KCNG2: variants seen among roughly 807,000 people sequenced by gnomAD.
KCNG2 encodes potassium voltage-gated channel modifier subfamily G member 2.
In KCNG2, 7 loss-of-function variants were observed where a neutral mutation model predicts 12.3. That is an observed-to-expected ratio of 0.57 (90% CI 0.32 to 1.07). The LOEUF is 1.07. Ranked by LOEUF, KCNG2 falls within the 50% of genes least tolerant of loss-of-function variation. KCNG2 has a pLI of 0.04. For missense variants in KCNG2, 703 were observed against 726.0 expected (o/e 0.97, Z 0.36); for synonymous variants, 414 against 351.4 (o/e 1.18, Z -1.99).
At chr18:79,842,007 C>G (rs1276201981) in intron 1 of KCNG2, among the ~76,000 whole-genome samples, 1 of 152,214 alleles carries the variant, frequency 6.6e-6, no homozygotes, top group Admixed American at 6.5e-5. Context: ...CTCCCCCTCC[C>G]CAGAGTGAAC....
chr18:79,802,287 A>G (rs2122985498), intron 1 of KCNG2, among the ~76,000 whole-genome samples: 1 of 152,296 alleles, frequency 6.6e-6, no homozygotes, highest in South Asian at 2.1e-4. Flanking sequence ...GACCAGGTGG[A>G]CGCGGCTCAT....
At chr18:79,857,269 C>T (rs1288144551) in intron 2 of KCNG2, among the ~76,000 whole-genome samples, 1 of 150,080 alleles carries the variant, frequency 6.7e-6, no homozygotes, top group African/African-American at 2.5e-5. Context: ...TCTCATGCAG[C>T]GAACTTGGCG....
At chr18:79,852,016 CT>C (rs1286565258) in intron 1 of KCNG2, among the ~76,000 whole-genome samples, 1 of 152,202 alleles carries the variant, frequency 6.6e-6, no homozygotes, top group African/African-American at 2.4e-5. Flanking sequence ...TTTTTCAGGG[CT>C]GTTTGGCCCT....
At chr18:79,895,708 T>A (rs796479456) in intron 3 of KCNG2, among the ~76,000 whole-genome samples, 3 of 115,098 alleles carry the variant, frequency 2.6e-5, no homozygotes, top group Middle Eastern at 4.9e-3. Context: ...TGTGTCTGCT[T>A]TTGATTGGGT....
At chr18:79,859,709 C>T (rs753980399) in intron 2 of KCNG2, among the ~76,000 whole-genome samples, 6 of 152,114 alleles carry the variant, frequency 3.9e-5, no homozygotes, top group African/African-American at 1.2e-4. Context: ...TGTGGATAAC[C>T]GTTTGTTGGA....
At chr18:79,879,593 TCAAAGA>T (rs1176541130) in intron 3 of KCNG2, among the ~76,000 whole-genome samples, 2 of 152,076 alleles carry the variant, frequency 1.3e-5, no homozygotes, top group Non-Finnish European at 2.9e-5. Flanking sequence ...AAGATACCAC[TCAAAGA>T]CAAAGATGAA....
At chr18:79,883,631 T>C (rs1406324120) in intron 3 of KCNG2, among the ~76,000 whole-genome samples, 2 of 152,190 alleles carry the variant, frequency 1.3e-5, no homozygotes, top group East Asian at 1.9e-4. Flanking sequence ...GTGTGGCTGC[T>C]TGGGGACCAA....
chr18:79,851,122 T>C (rs1599391994), intron 1 of KCNG2, among the ~76,000 whole-genome samples: 3 of 152,140 alleles, frequency 2.0e-5, no homozygotes, highest in Admixed American at 6.5e-5. Flanking sequence ...GAGCAGGACG[T>C]TCCCGAGAGT....
At chr18:79,806,639 G>T (rs986067610) in intron 1 of KCNG2, among the ~76,000 whole-genome samples, 7 of 152,182 alleles carry the variant, frequency 4.6e-5, no homozygotes, top group African/African-American at 1.4e-4. Context: ...ATTAATACTT[G>T]CTAGGAGGAA....
At chr18:79,857,137 C>T (rs1165030163) in intron 2 of KCNG2, among the ~76,000 whole-genome samples, 1 of 132,076 alleles carries the variant, frequency 7.6e-6, no homozygotes, top group Non-Finnish European at 1.6e-5. Context: ...CAGATCTATG[C>T]TTCAGGCCAT....
At position 79,868,318 on chromosome 18, in the gene KCNG2, G is replaced by A. The variant is rs140330495; in HGVS notation, c.624+4027G>A. Among the ~76,000 whole-genome samples the A allele has an allele frequency of 9.1e-3, 1,387 of 152,180 alleles. 19 individuals are homozygous for A. Among genetic ancestry groups the A allele is most frequent in the Non-Finnish European group, 0.014 (921 of 68,018 alleles). ...TCCAGTTAAGAAGCAGTCGCCCTCC[G>A]CGTGGGGCCTGGTGACCCGTGTCCG... On this transcript the variant is annotated intron_variant, in intron 3 of 3. Coordinates refer to ENST00000316249, the MANE Select transcript of KCNG2 (RefSeq NM_012283.2).
rs1022363450 is a variant in KCNG2 at position 79,833,041 on chromosome 18, T to C, written c.-114-23338T>C. On this transcript the variant is annotated intron_variant, in intron 1 of 3. Transcript: ENST00000316249. ...ATGAAGGATATTTTATAACTTTTTT[T>C]GAAATTTGTATAATTTTTTCTTATT... 5.7e-4 allele frequency among the ~76,000 whole-genome samples: 87 copies of C among 151,344 alleles called. 1 individual carries two copies. Among genetic ancestry groups the C allele is most frequent in the African/African-American group, 2.0e-3 (83 of 41,430 alleles).
At chr18:79,874,882 A>G (rs542496471) in intron 3 of KCNG2, among the ~76,000 whole-genome samples, 4 of 152,208 alleles carry the variant, frequency 2.6e-5, no homozygotes, top group African/African-American at 7.2e-5. Context: ...CCTCTTCCCC[A>G]TCGCCATTCC....
chr18:79,822,503 A>G lies in KCNG2; in HGVS notation c.-115+24489A>G, dbSNP rs2087578950. Among the ~76,000 whole-genome samples the G allele has an allele frequency of 6.6e-6, 1 of 152,094 alleles. No individual in the cohort carries two copies. The highest frequency in any genetic ancestry group is 1.5e-5 in the Non-Finnish European group (1 of 68,014). ...CCCCCAGGCTGGAGTGTAGTGTTGC[A>G]GTCATGGCTCCCTGCAGCCTCAGCC... On this transcript the variant is annotated intron_variant, in intron 1 of 3. Transcript: ENST00000316249. This position sits in a 1 kb window ranked among gnomAD's most constrained non-coding sequence, Gnocchi z 4.4.
intron 3 of KCNG2, among the ~76,000 whole-genome samples, chr18:79,896,468 G>A (rs1980979889): frequency 6.6e-6 from 1 of 152,130 alleles, no homozygotes; most frequent in Non-Finnish European, 1.5e-5. Flanking sequence ...TGTTGCTTTT[G>A]CTTCACTGTC....
At chr18:79,817,208 TCACACGGCTGC>T (rs142236309) in intron 1 of KCNG2, among the ~76,000 whole-genome samples, 27,504 of 151,492 alleles carry the variant, frequency 0.18, 2,503 homozygotes, top group Middle Eastern at 0.2. Context: ...CACATGGTTG[TCACACGGCTGC>T]CACACGGCTG....
At chr18:79,853,715 C>T (rs1283215209) in intron 1 of KCNG2, among the ~76,000 whole-genome samples, 2 of 152,244 alleles carry the variant, frequency 1.3e-5, no homozygotes, top group Non-Finnish European at 2.9e-5. Flanking sequence ...TGTGGGTGAC[C>T]CCCAAGGACT....
intron 1 of KCNG2, among the ~76,000 whole-genome samples, chr18:79,806,785 G>A (rs1275824814): frequency 6.6e-6 from 1 of 152,118 alleles, no homozygotes; most frequent in Non-Finnish European, 1.5e-5. Flanking sequence ...AATAAAACCA[G>A]AACTAAGGGC....
Position 79,882,652 on chromosome 18 carries a change from A to C in KCNG2, c.625-16388A>C, listed in dbSNP as rs370450841. Among the ~76,000 whole-genome samples, 4 of 152,378 alleles carry C rather than the reference A, an allele frequency of 2.6e-5. No homozygotes were observed. In the East Asian group the frequency reaches 7.7e-4, roughly 29 times the overall value. ...CATGTTAGAAGGGCCCTGATCTAAA[A>C]ACCAGCCGAGAGCAGCAAGCTCAAA... On this transcript the variant is annotated intron_variant, in intron 3 of 3. Transcript: ENST00000316249.
Sources: allele counts gnomAD v4.1 joint callset (sites outside exome capture counted in the v4.1 genomes callset), GRCh38; gene constraint gnomAD v4.1.1; non-coding constraint Gnocchi (gnomAD v3.1); transcripts MANE v1.5; gene names NCBI Gene and HGNC (gene_info 2026-07-23, HGNC 2026-07-21).